Variants in NOTCH4 observed in about 807,000 individuals in gnomAD.
NOTCH4 encodes the protein neurogenic locus notch homolog protein 4.
NOTCH4 carries 138 observed loss-of-function variants against 189.0 expected under a neutral mutation model. The ratio of observed to expected loss-of-function variants is 0.73; its 90% CI spans 0.64 to 0.84. The LOEUF is 0.84. Among genes scored for constraint, NOTCH4 ranks in the 40% least tolerant of loss-of-function variants. The pLI, the probability that NOTCH4 is intolerant of heterozygous loss-of-function variation, is 0.00. For synonymous variants in NOTCH4, 942 were observed against 1,032.8 expected (o/e 0.91, Z 1.69); for missense variants, 2,286 against 2,605.4 (o/e 0.88, Z 2.67).
rs745610750 is a variant in NOTCH4, at chr6:32,198,413, T to TCACA, written c.4756+4_4756+7dup. ...TTTTTTTTTCTTGGTCTGGGTTGAC[T>TCACA]CACATACCAGGTCCACGGGTGTCCA... On this transcript the variant is annotated splice_region_variant and intron_variant, in intron 26 of 29. Coordinates refer to ENST00000375023, the MANE Select transcript of NOTCH4 (RefSeq NM_004557.4). The surrounding 1 kb of genome is among the most constrained non-coding windows in gnomAD (Gnocchi z 5.5). The TCACA allele has an allele frequency of 6.2e-7, 1 of 1,606,768 alleles. No homozygotes were observed. The highest frequency in any genetic ancestry group is 1.1e-5 in the South Asian group (1 of 90,144).
intron 12 of NOTCH4, 21 bp downstream of exon 12, chr6:32,215,205 G>A: frequency 6.4e-7 from 1 of 1,573,432 alleles, no homozygotes; most frequent in Non-Finnish European, 8.6e-7. Context: ...GGGCAGATGG[G>A]GAGGGTCTGG....
intron 13 of NOTCH4, 52 bp downstream of exon 13, chr6:32,214,058 T>C: frequency 8.3e-6 from 13 of 1,569,072 alleles, no homozygotes; most frequent in Non-Finnish European, 1.1e-5. Context: ...GCCTTACCCT[T>C]GACATAGGGG....
At position 32,204,363 on chromosome 6, in the gene NOTCH4, G is replaced by A; in HGVS notation, c.2892C>T (p.Asn964=). Residue 964 remains asparagine, a synonymous_variant, in exon 19 of 30, where the codon AAC becomes AAT. Transcript: ENST00000375023. ...GACAAGCATCGAGTTCCTTTGAGCA[G>A]TTCTGTCCATCGTAGCCTGGGGCAC... ...CQCAPGYDGQ[N]CSKELDACQS... 2 of 1,613,080 alleles carry A rather than the reference G, an allele frequency of 1.2e-6. No homozygotes were observed. The highest frequency in any genetic ancestry group is 1.7e-6 in the Non-Finnish European group (2 of 1,180,032).
Position 32,196,136 on chromosome 6 carries a change from T to G in NOTCH4, c.5313A>C (p.Leu1771=). ...DAQDNREQTP[L]FLAAREGAVE... is the part of the protein sequence containing the mutation. The stretch of plus-strand genomic sequence containing the variant: ...CCGCTCCTTCCCGCGCCGCCAGGAA[T>G]AGCGGCGTCTGCTCCTGTACAGAAG... The change falls in exon 30 of 30, where the codon CTA becomes CTC. Residue 1771 remains leucine, a synonymous_variant. Transcript: ENST00000375023. 2 of 1,589,922 alleles carry G rather than the reference T, an allele frequency of 1.3e-6. No individual in the cohort carries two copies. Among genetic ancestry groups the G allele is most frequent in the Non-Finnish European group, 1.7e-6 (2 of 1,174,832 alleles).
At chr6:32,223,238 A>ACCCAGCCCCAGC (rs199863906) in intron 1 of NOTCH4, 152 bp from the exon 2 acceptor site, 1 of 671,188 alleles carries the variant, frequency 1.5e-6, no homozygotes, top group Non-Finnish European at 2.7e-6. Context: ...TCCACATGGT[A>ACCCAGCCCCAGC]CCCAGCCCCA....
At position 32,198,863 on chromosome 6, in the gene NOTCH4, G is replaced by A; in HGVS notation, c.4535+63C>T. The A allele has an allele frequency of 6.8e-7, 1 of 1,469,774 alleles. No homozygotes were observed. Among genetic ancestry groups the A allele is most frequent in the Non-Finnish European group, 9.2e-7 (1 of 1,088,600 alleles). 91.0% of individuals were successfully genotyped at this position (1,469,774 alleles called of 1,614,324 possible). A position where few individuals can be genotyped will look rare whatever the true frequency, so the allele number is the denominator to read the frequency against. On this transcript the variant is annotated intron_variant, in intron 24 of 29. Coordinates refer to ENST00000375023, the MANE Select transcript of NOTCH4 (RefSeq NM_004557.4). The surrounding 1 kb of genome is among the most constrained non-coding windows in gnomAD (Gnocchi z 5.5). ...TGCAATAGTATTTCTTATCTTTTCTGATTGTAAATATCGCCATAGGAGAGA... is the reference window on the plus strand; with the variant it reads ...TGCAATAGTATTTCTTATCTTTTCTAATTGTAAATATCGCCATAGGAGAGA...
In NOTCH4 at chr6:32,220,826, C is replaced by T. The variant is rs520803; in HGVS notation, c.852G>A (p.Gln284=). The T allele has an allele frequency of 0.3, 486,361 of 1,613,788 alleles. 76,415 individuals carry two copies. The highest frequency in any genetic ancestry group is 0.4 in the Middle Eastern group (2,409 of 6,060). The change falls in exon 5 of 30, where the codon CAG becomes CAA. Residue 284 remains glutamine, a synonymous_variant. Transcript: ENST00000375023. The part of the protein sequence containing the change: ...EVNPDNCVSH[Q]CQNGGTCQDG... Reference sequence around the variant, plus strand: ...CCTGGCAAGTGCCCCCATTCTGACACTGGTGGCTGACACAGTTGTCTGGAT... The same window carrying T: ...CCTGGCAAGTGCCCCCATTCTGACATTGGTGGCTGACACAGTTGTCTGGAT...
In NOTCH4 at chr6:32,217,382, G is replaced by A; in HGVS notation, c.1625-116C>T. 1.5e-6 allele frequency: 1 copy of A among 671,220 alleles called. No individual in the cohort carries two copies. 41.6% of individuals were successfully genotyped at this position (671,220 alleles called of 1,614,324 possible). A position where few individuals can be genotyped will look rare whatever the true frequency, so the allele number is the denominator to read the frequency against. ...GCAGAGCTTCCCAGAGAAGACACCT[G>A]GGGCAGGTGAGCGTGGGGTGACAGG... On this transcript the variant is annotated intron_variant, in intron 9 of 29. Coordinates refer to ENST00000375023, the MANE Select transcript of NOTCH4 (RefSeq NM_004557.4). This position sits in a 1 kb window ranked among gnomAD's most constrained non-coding sequence, Gnocchi z 4.2.
Position 32,200,371 on chromosome 6 carries a change from C to T in NOTCH4, c.4315+460G>A, listed in dbSNP as rs1215994853. Among the ~76,000 whole-genome samples, 1 of 152,024 alleles carries T rather than the reference C, an allele frequency of 6.6e-6. No individual in the cohort carries two copies. Among genetic ancestry groups the T allele is most frequent in the African/African-American group, 2.4e-5 (1 of 41,396 alleles). ...GACTACAAGCACCCGCCACCACAGC[C>T]GGCTAATTTTTTTATTTTTAGTAGA... On this transcript the variant is annotated intron_variant, in intron 23 of 29. Transcript: ENST00000375023. The surrounding 1 kb of genome is among the most constrained non-coding windows in gnomAD (Gnocchi z 5.0).
chr6:32,210,781 T>C lies in NOTCH4; in HGVS notation c.2836A>G (p.Met946Val), dbSNP rs910228410. Residue 946 changes from methionine to valine, a missense_variant, in exon 18 of 30, where the codon ATG becomes GTG. Coordinates refer to ENST00000375023, the MANE Select transcript of NOTCH4 (RefSeq NM_004557.4). This position sits in a 1 kb window ranked among gnomAD's most constrained non-coding sequence, Gnocchi z 4.8. ...SRPCQNGATC[M>V]AQPSGYLCQC... ...CAGAGATACCCACTGGGCTGGGCCATGCAGGTGGCCCCGTTCTGGCAAGGC... is the reference window on the plus strand; with the variant it reads ...CAGAGATACCCACTGGGCTGGGCCACGCAGGTGGCCCCGTTCTGGCAAGGC... 2 of 1,612,716 alleles carry C rather than the reference T, an allele frequency of 1.2e-6. No individual in the cohort carries two copies. Among genetic ancestry groups the C allele is most frequent in the African/African-American group, 2.7e-5 (2 of 74,922 alleles).
At chr6:32,206,999 G>C (rs1303084677) in intron 18 of NOTCH4, among the ~76,000 whole-genome samples, 1 of 149,692 alleles carries the variant, frequency 6.7e-6, no homozygotes, top group African/African-American at 2.5e-5. Context: ...GGCACGATCT[G>C]GCTCACTGCA....
intron 28 of NOTCH4, 144 bp downstream of exon 28, chr6:32,196,781 C>G (rs990108994): frequency 1.8e-6 from 2 of 1,096,222 alleles, no homozygotes; most frequent in East Asian, 2.4e-5. Flanking sequence ...TCACGCGGCC[C>G]GTACTTCCAC....
chr6:32,202,457 C>T lies in NOTCH4; in HGVS notation c.3374G>A (p.Cys1125Tyr), dbSNP rs756511460. 6.2e-7 allele frequency: 1 copy of T among 1,612,320 alleles called. No homozygotes were observed. The highest frequency in any genetic ancestry group is 8.5e-7 in the Non-Finnish European group (1 of 1,179,708). ...GCCTTTAGGAGCTGGTGGGGTCAGG[C>T]AGTCAGGACCCCCATAGCCACTGAG... ...ACLSGYGGPD[C>Y]LTPPAPKGCG... is the part of the protein sequence containing the mutation. Residue 1125 changes from cysteine to tyrosine, a missense_variant, in exon 21 of 30, where the codon TGC (cysteine) becomes TAC (tyrosine). Coordinates refer to ENST00000375023, the MANE Select transcript of NOTCH4 (RefSeq NM_004557.4). This position sits in a 1 kb window ranked among gnomAD's most constrained non-coding sequence, Gnocchi z 5.7.
At chr6:32,222,910 C>T (rs1018066338) in intron 2 of NOTCH4, 95 bp downstream of exon 2, 18 of 1,553,276 alleles carry the variant, frequency 1.2e-5, no homozygotes, top group Admixed American at 6.8e-5. Flanking sequence ...CCTTCACTTC[C>T]TCTCTTTCTT....
chr6:32,219,991 C>A, intron 7 of NOTCH4, 138 bp downstream of exon 7: 2 of 1,038,834 alleles, frequency 1.9e-6, no homozygotes, highest in East Asian at 2.5e-5. Flanking sequence ...GTCATGTAGG[C>A]AAGAGATGCC....
rs1394682002 is a variant in NOTCH4, at chr6:32,204,186, G to T, written c.3069C>A (p.Cys1023Ter). 1 of 1,612,976 alleles carries T rather than the reference G, an allele frequency of 6.2e-7. No individual in the cohort carries two copies. The highest frequency in any genetic ancestry group is 8.5e-7 in the Non-Finnish European group (1 of 1,180,006). The change falls in exon 19 of 30, where the codon TGC becomes TGA. Residue 1023 changes from cysteine to a stop codon, truncating the protein, a stop_gained. Coordinates refer to ENST00000375023, the MANE Select transcript of NOTCH4 (RefSeq NM_004557.4). LOFTEE classifies it high-confidence loss of function. ...QPCHPTGTAACHSLANAFYCQ... is the reference protein window; with the variant it reads ...QPCHPTGTAA ...AGTAGAAGGCATTGGCCAGAGAGTG[G>T]CAGGCTGCAGTGCCTGTGGGGTGGC...
rs978741176 is a variant in NOTCH4, at chr6:32,213,174, G to C, written c.2399C>G (p.Pro800Arg). Residue 800 changes from proline (P) to arginine (R), a missense_variant, in exon 15 of 30, where the codon CCG (proline) becomes CGG (arginine). Around this residue, in one of 2 missense-constraint regions of NOTCH4, gnomAD observed 1,903 missense variants for 2,261.9 expected, o/e 0.84. Coordinates refer to ENST00000375023, the MANE Select transcript of NOTCH4 (RefSeq NM_004557.4). ...GGGGCGGAGCTTTCCCTCACAGCGC[G>C]GGCCCTGGAAGCCCATGGCACAGAG... ...SCLCAMGFQG[P>R]RCEGKLRPSC... 6.2e-7 allele frequency: 1 copy of C among 1,613,878 alleles called. No homozygotes were observed. Among genetic ancestry groups the C allele is most frequent in the Admixed American group, 1.7e-5 (1 of 59,986 alleles).
In NOTCH4 at chr6:32,201,205, G is replaced by C. The variant is rs141765897; in HGVS notation, c.4051C>G (p.Leu1351Val). 37 of 1,612,816 alleles carry C rather than the reference G, an allele frequency of 2.3e-5. No homozygotes were observed. The highest frequency in any genetic ancestry group is 3.1e-5 in the Non-Finnish European group (36 of 1,179,978). The change falls in exon 22 of 30, where the codon CTA (leucine) becomes GTA (valine). Residue 1351 changes from leucine to valine, a missense_variant. Physicochemically the swap from Leu to Val is conservative, Grantham distance 32 (BLOSUM62 1). This residue lies in a region of NOTCH4 where 1,903 missense variants were observed against 2,261.9 expected (regional missense o/e 0.84). Transcript: ENST00000375023. This position sits in a 1 kb window ranked among gnomAD's most constrained non-coding sequence, Gnocchi z 5.5. ...PYPGARAEEKLGGTRDPTYQE... is the reference protein window; with the variant it reads ...PYPGARAEEKVGGTRDPTYQE... ...TAGGTGGGGTCCCGAGTTCCTCCTA[G>C]CTTTTCTTCAGCCCGGGCCCCAGGA... is the stretch of plus-strand genomic sequence containing the variant.
At position 32,199,682 on chromosome 6, in the gene NOTCH4, C is replaced by T. The variant is rs921348716; in HGVS notation, c.4316-537G>A. Among the ~76,000 whole-genome samples the T allele has an allele frequency of 6.7e-6, 1 of 148,694 alleles. No homozygotes were observed. Among genetic ancestry groups the T allele is most frequent in the Admixed American group, 6.7e-5 (1 of 14,848 alleles). Reference sequence around the variant, plus strand: ...TCGCGCCACTGCACTCCGGCCTGGGCGACAAGGCAAGACTCTGTCTCAAAC... The same window carrying T: ...TCGCGCCACTGCACTCCGGCCTGGGTGACAAGGCAAGACTCTGTCTCAAAC... On this transcript the variant is annotated intron_variant, in intron 23 of 29. Coordinates refer to ENST00000375023, the MANE Select transcript of NOTCH4 (RefSeq NM_004557.4). The surrounding 1 kb of genome is among the most constrained non-coding windows in gnomAD (Gnocchi z 4.9).
Sources: gnomAD v4.1 joint callset for allele counts (sites outside exome capture counted in the v4.1 genomes callset) on GRCh38, gnomAD v4.1.1 for gene constraint, gnomAD v4.1.1 regional missense constraint, Gnocchi (gnomAD v3.1) non-coding constraint, MANE v1.5 for transcripts, NCBI Gene and HGNC (gene_info 2026-07-23, HGNC 2026-07-21) for gene names.